CHCHD6: variants seen among roughly 807,000 people sequenced by gnomAD.
CHCHD6 encodes the protein coiled-coil-helix-coiled-coil-helix domain containing 6, also known as MICOS complex subunit MIC25.
A neutral mutation model predicts 32.3 loss-of-function variants in CHCHD6; 28 were observed. The ratio of observed to expected loss-of-function variants is 0.87; its 90% confidence interval spans 0.64 to 1.19. The LOEUF is 1.19. Among genes scored for constraint, CHCHD6 ranks in the 50% most tolerant of loss-of-function variants. The pLI, the probability that CHCHD6 is intolerant of heterozygous loss-of-function variation, is 0.00. For missense variants in CHCHD6, 333 were observed against 307.0 expected, an observed-to-expected ratio of 1.08 and a Z score of -0.63; for synonymous variants, 122 against 117.5, an observed-to-expected ratio of 1.04 and a Z score of -0.25.
chr3:126,753,181 G>A (rs1382681334), intron 4 of CHCHD6, among the ~76,000 whole-genome samples: 1 of 152,164 alleles, frequency 6.6e-6, no homozygotes, highest in Non-Finnish European at 1.5e-5. Flanking sequence ...TGGCAGCCAA[G>A]GGGATTTTTT....
chr3:126,857,614 AAC>A (rs1941706834), intron 5 of CHCHD6, among the ~76,000 whole-genome samples: 1 of 152,216 alleles, frequency 6.6e-6, no homozygotes, highest in African/African-American at 2.4e-5. Flanking sequence ...TGTGTAGGGA[AAC>A]ACAAGCTACA....
At chr3:126,816,348 C>T (rs1245436602) in intron 4 of CHCHD6, among the ~76,000 whole-genome samples, 1 of 152,222 alleles carries the variant, frequency 6.6e-6, no homozygotes, top group African/African-American at 2.4e-5. Flanking sequence ...TAAGCAGCCA[C>T]AGCCAGGTGG....
chr3:126,947,047 T>C (rs1484606006), intron 6 of CHCHD6, among the ~76,000 whole-genome samples: 1 of 152,210 alleles, frequency 6.6e-6, no homozygotes, highest in African/African-American at 2.4e-5. Flanking sequence ...CTGGGCGCGC[T>C]CCACAGGAGA....
intron 6 of CHCHD6, 158 bp from the exon 7 acceptor site, chr3:126,957,258 G>T (rs2078798586): frequency 1.2e-6 from 1 of 821,974 alleles, no homozygotes; most frequent in Non-Finnish European, 1.9e-6. Context: ...TTCTAGAACG[G>T]GAAAGCACAG....
chr3:126,959,866 C>T (rs544706633), intron 7 of CHCHD6, among the ~76,000 whole-genome samples: 2 of 152,304 alleles, frequency 1.3e-5, no homozygotes, highest in East Asian at 3.9e-4. Flanking sequence ...TCTTCTATAT[C>T]CAGGGTGCTT....
chr3:126,704,253 C>A lies in CHCHD6; in HGVS notation c.-60C>A. ...CGCGAGTCCTGGAAAGCGTTGTTGG[C>A]CCGGTTGCTCTGGAGCCGGGTCTCG... On this transcript the variant is annotated 5_prime_UTR_variant, in exon 1 of 8. Coordinates refer to ENST00000290913, the MANE Select transcript of CHCHD6 (RefSeq NM_032343.3). 1.4e-6 allele frequency: 2 copies of A among 1,397,618 alleles called. No homozygotes were observed. Among genetic ancestry groups the A allele is most frequent in the Non-Finnish European group, 2.0e-6 (2 of 998,858 alleles). The allele number at this position is 1,397,618 out of a possible 1,614,324, so 86.6% of individuals were successfully genotyped here.
intron 4 of CHCHD6, among the ~76,000 whole-genome samples, chr3:126,814,130 T>C (rs1939777787): frequency 6.6e-6 from 1 of 152,220 alleles, no homozygotes; most frequent in African/African-American, 2.4e-5. Flanking sequence ...GTTATCGATA[T>C]CAGAGGTAGT....
chr3:126,820,748 T>G (rs1475041367), intron 4 of CHCHD6, among the ~76,000 whole-genome samples: 1 of 152,218 alleles, frequency 6.6e-6, no homozygotes, highest in Non-Finnish European at 1.5e-5. Flanking sequence ...GCTGAACATT[T>G]TTCTGAAGTG....
chr3:126,898,221 C>T (rs2077869052), intron 5 of CHCHD6, among the ~76,000 whole-genome samples: 1 of 152,272 alleles, frequency 6.6e-6, no homozygotes, highest in Non-Finnish European at 1.5e-5. Context: ...TCCCCCTGCT[C>T]TTCCCCAGTA....
chr3:126,767,520 G>T, intron 4 of CHCHD6: 1 of 493,230 alleles, frequency 2.0e-6, no homozygotes, highest in South Asian at 2.4e-5. Context: ...TTTCTGTCCA[G>T]ACCATGATTT....
intron 6 of CHCHD6, among the ~76,000 whole-genome samples, chr3:126,946,824 A>C (rs1286663107): frequency 6.6e-6 from 1 of 152,210 alleles, no homozygotes; most frequent in Non-Finnish European, 1.5e-5. Flanking sequence ...TGCCTGTAAT[A>C]AAAAGCCTGC....
chr3:126,753,760 TG>T (rs1174595894), intron 4 of CHCHD6, among the ~76,000 whole-genome samples: 63 of 152,212 alleles, frequency 4.1e-4, no homozygotes, highest in Non-Finnish European at 1.5e-5. Flanking sequence ...TCCTGCTCTC[TG>T]GGCTGCAGTG....
At chr3:126,747,071 C>CAGT (rs1305752463) in intron 4 of CHCHD6, among the ~76,000 whole-genome samples, 1 of 152,164 alleles carries the variant, frequency 6.6e-6, no homozygotes, top group East Asian at 1.9e-4. Context: ...TGGCTGTGTA[C>CAGT]AGGGCTTTTG....
In CHCHD6 at chr3:126,818,430, A is replaced by T. The variant is rs369744963; in HGVS notation, c.412-34217A>T. 4.9e-4 allele frequency among the ~76,000 whole-genome samples: 75 copies of T among 152,324 alleles called. 1 individual carries two copies. The South Asian group carries it at 0.015, about 31-fold the overall frequency. On this transcript the variant is annotated intron_variant, in intron 4 of 7. Transcript: ENST00000290913. ...TGACCGGATCCCCTCAGTGACAGACAGCCTGCTTCTCTGCCTTTCATTTGT... is the reference window on the plus strand; with the variant it reads ...TGACCGGATCCCCTCAGTGACAGACTGCCTGCTTCTCTGCCTTTCATTTGT...
intron 4 of CHCHD6, among the ~76,000 whole-genome samples, chr3:126,844,789 T>C (rs957346884): frequency 3.9e-5 from 6 of 152,160 alleles, no homozygotes; most frequent in African/African-American, 1.2e-4. Context: ...GGGGAGGTTA[T>C]CCTTTGTTAT....
intron 4 of CHCHD6, among the ~76,000 whole-genome samples, chr3:126,837,667 G>A (rs1940913569): frequency 6.6e-6 from 1 of 152,172 alleles, no homozygotes; most frequent in Non-Finnish European, 1.5e-5. Flanking sequence ...GGTAATAAAT[G>A]GTCACTGTTG....
At chr3:126,866,684 G>A (rs1028173101) in intron 5 of CHCHD6, among the ~76,000 whole-genome samples, 1 of 152,152 alleles carries the variant, frequency 6.6e-6, no homozygotes, top group Non-Finnish European at 1.5e-5. Context: ...TACCCTAAGT[G>A]GAACAGTGCA....
At chr3:126,951,229 T>C (rs1042463707) in intron 6 of CHCHD6, among the ~76,000 whole-genome samples, 1 of 152,218 alleles carries the variant, frequency 6.6e-6, no homozygotes, top group African/African-American at 2.4e-5. Context: ...TCCACTATGA[T>C]TGTAAGTTTC....
chr3:126,736,606 A>G (rs1263965882), intron 4 of CHCHD6, among the ~76,000 whole-genome samples: 2 of 152,220 alleles, frequency 1.3e-5, no homozygotes, highest in African/African-American at 4.8e-5. Flanking sequence ...AAAACTAATG[A>G]CAAGGAAAGG....
Sources: allele counts gnomAD v4.1 joint callset (sites outside exome capture counted in the v4.1 genomes callset), GRCh38; gene constraint gnomAD v4.1.1; transcripts MANE v1.5; gene names NCBI Gene and HGNC (gene_info 2026-07-23, HGNC 2026-07-21).